WWOX: variants seen among roughly 807,000 people sequenced by gnomAD.
WWOX encodes WW domain containing oxidoreductase.
A neutral mutation model predicts 46.2 loss-of-function variants in WWOX; 69 were observed. The observed-to-expected ratio is 1.49, with a 90% CI of 1.23 to 1.82. The LOEUF (loss-of-function observed/expected upper bound fraction) is 1.82. Ranked by LOEUF, WWOX falls within the 40% of genes most tolerant of loss-of-function variation. The probability of loss-of-function intolerance (pLI) is 0.00; values close to 1 mark genes in which losing one functional copy is unlikely to be tolerated. For missense variants in WWOX, 919 were observed against 542.6 expected (o/e 1.69, Z -6.89); for synonymous variants, 359 against 202.6 (o/e 1.77, Z -6.56).
chr16:78,653,378 G>C (rs998561224), intron 8 of WWOX, among the ~76,000 whole-genome samples: 1 of 152,190 alleles, frequency 6.6e-6, no homozygotes, highest in South Asian at 2.1e-4. Context: ...AATCAGAGCA[G>C]TAATAATAGA....
intron 5 of WWOX, among the ~76,000 whole-genome samples, chr16:78,220,962 T>C (rs1018151366): frequency 6.6e-6 from 1 of 152,208 alleles, no homozygotes; most frequent in Non-Finnish European, 1.5e-5. Flanking sequence ...TTCTATTTAA[T>C]TTTTTAACCA....
At chr16:78,353,142 C>A (rs1313481732) in intron 5 of WWOX, among the ~76,000 whole-genome samples, 2 of 152,144 alleles carry the variant, frequency 1.3e-5, no homozygotes, top group African/African-American at 2.4e-5. Context: ...AGCCAGCTAA[C>A]TATGCATTCC....
At chr16:78,526,633 G>C (rs1349549363) in intron 8 of WWOX, 1 of 152,254 alleles carries the variant, frequency 6.6e-6, no homozygotes, top group Non-Finnish European at 1.5e-5. Context: ...TGGGCAAGAG[G>C]CTTTTCTCTC....
At chr16:79,018,255 C>G (rs944930978) in intron 8 of WWOX, among the ~76,000 whole-genome samples, 4 of 152,122 alleles carry the variant, frequency 2.6e-5, no homozygotes, top group Non-Finnish European at 4.4e-5. Context: ...TATGTAAAAT[C>G]AGCAATCAGC....
At chr16:78,216,406 A>T (rs1460350683) in intron 5 of WWOX, among the ~76,000 whole-genome samples, 1 of 152,182 alleles carries the variant, frequency 6.6e-6, no homozygotes, top group African/African-American at 2.4e-5. Context: ...CCAGTGTAGC[A>T]CCTAAACAAC....
chr16:78,867,392 C>G (rs1021890648), intron 8 of WWOX, among the ~76,000 whole-genome samples: 2 of 152,208 alleles, frequency 1.3e-5, no homozygotes, highest in African/African-American at 4.8e-5. Context: ...TTTTACACAT[C>G]TTACCTCAAC....
At chr16:78,790,903 C>T (rs866406730) in intron 8 of WWOX, among the ~76,000 whole-genome samples, 2 of 150,440 alleles carry the variant, frequency 1.3e-5, no homozygotes, top group African/African-American at 4.9e-5. Flanking sequence ...CTTGTGGTCC[C>T]AGCTACTCAG....
intron 8 of WWOX, among the ~76,000 whole-genome samples, chr16:78,434,225 G>C (rs1008543619): frequency 2.0e-5 from 3 of 152,172 alleles, no homozygotes; most frequent in Non-Finnish European, 4.4e-5. Flanking sequence ...CGAATACTTA[G>C]GATCAGTGGC....
At chr16:79,122,580 C>G (rs774601832) in intron 8 of WWOX, among the ~76,000 whole-genome samples, 5 of 151,410 alleles carry the variant, frequency 3.3e-5, no homozygotes, top group Non-Finnish European at 4.4e-5. Flanking sequence ...CTTTCCCTCT[C>G]TCTTTCTCCG....
Position 78,560,472 on chromosome 16 carries a change from C to T in WWOX, c.1056+127720C>T, listed in dbSNP as rs917494626. The stretch of plus-strand genomic sequence containing the variant: ...AGCCTGGCCAACATGGTGAAACCCC[C>T]GTCTCTACTAAAAATACAAAAATTA... On this transcript the variant is annotated intron_variant, in intron 8 of 8. Transcript: ENST00000566780. Among the ~76,000 whole-genome samples the T allele has an allele frequency of 7.2e-5, 11 of 152,146 alleles. No individual in the cohort carries two copies. The South Asian group carries it at 8.3e-4, about 11-fold the overall frequency.
intron 5 of WWOX, chr16:78,269,246 A>C (rs1331650600): frequency 6.6e-6 from 1 of 152,220 alleles, no homozygotes; most frequent in African/African-American, 2.4e-5. Context: ...GTCAGACGTG[A>C]CTTTATGCTG....
intron 8 of WWOX, among the ~76,000 whole-genome samples, chr16:78,575,044 T>A (rs1454410099): frequency 0.05 from 338 of 6,726 alleles, 1 homozygote; most frequent in Non-Finnish European, 0.077. Context: ...TATATATATA[T>A]ATATATATAT....
intron 8 of WWOX, among the ~76,000 whole-genome samples, chr16:79,026,968 G>A (rs1372793276): frequency 6.6e-6 from 1 of 151,058 alleles, no homozygotes; most frequent in Admixed American, 6.6e-5. Flanking sequence ...GCTGAATACT[G>A]AGTAAATAAA....
intron 8 of WWOX, among the ~76,000 whole-genome samples, chr16:79,054,893 G>A (rs1038615529): frequency 3.3e-5 from 5 of 152,136 alleles, no homozygotes; most frequent in Admixed American, 6.5e-5. Flanking sequence ...GTTATAAAAG[G>A]CAGTGTTTTA....
At chr16:78,663,707 A>C (rs886931401) in intron 8 of WWOX, among the ~76,000 whole-genome samples, 2 of 152,232 alleles carry the variant, frequency 1.3e-5, no homozygotes, top group Non-Finnish European at 2.9e-5. Flanking sequence ...AAGTAGGGAA[A>C]GAAAACAGAT....
intron 5 of WWOX, among the ~76,000 whole-genome samples, chr16:78,213,467 G>A (rs2036623573): frequency 6.6e-6 from 1 of 151,740 alleles, no homozygotes; most frequent in Non-Finnish European, 1.5e-5. Flanking sequence ...CAGTCCTACT[G>A]TGTGCCCTAA....
chr16:78,324,148 C>A (rs2080554971), intron 5 of WWOX, among the ~76,000 whole-genome samples: 1 of 151,980 alleles, frequency 6.6e-6, no homozygotes, highest in Admixed American at 6.6e-5. Context: ...AAGACCGTGG[C>A]CTTTGTCATT....
chr16:78,975,855 A>AC (rs1221606614), intron 8 of WWOX, among the ~76,000 whole-genome samples: 3 of 151,968 alleles, frequency 2.0e-5, no homozygotes, highest in African/African-American at 7.3e-5. Context: ...AACCGTAAGG[A>AC]CCCTTGCCAT....
intron 8 of WWOX, among the ~76,000 whole-genome samples, chr16:78,827,092 C>A (rs1003651034): frequency 6.6e-6 from 1 of 152,142 alleles, no homozygotes; most frequent in Non-Finnish European, 1.5e-5. Context: ...TGGTCACAAA[C>A]CTGCTCTCCT....
Sources: gnomAD v4.1 joint callset for allele counts (sites outside exome capture counted in the v4.1 genomes callset) on GRCh38, gnomAD v4.1.1 for gene constraint, MANE v1.5 for transcripts, NCBI Gene and HGNC (gene_info 2026-07-23, HGNC 2026-07-21) for gene names.